Variants in MVD observed in about 807,000 individuals in gnomAD.
The protein encoded by MVD is mevalonate diphosphate decarboxylase.
In MVD, 52 loss-of-function variants were observed where a neutral mutation model predicts 42.4. The observed-to-expected ratio is 1.23, with a 90% CI of 0.98 to 1.55. MVD has a LOEUF of 1.55. Among genes scored for constraint, MVD ranks in the 40% most tolerant of loss-of-function variants. MVD has a pLI of 0.00. For synonymous variants in MVD, 287 were observed against 243.2 expected, an observed-to-expected ratio of 1.18 and a Z score of -1.68; for missense variants, 663 against 572.1, an observed-to-expected ratio of 1.16 and a Z score of -1.62.
chr16:88,658,194 C>T (rs1407412226), intron 2 of MVD, among the ~76,000 whole-genome samples, 165 bp from the exon 3 acceptor site: 4 of 152,130 alleles, frequency 2.6e-5, no homozygotes, highest in African/African-American at 9.7e-5. Flanking sequence ...TGGGGAAGCC[C>T]GTGGGGGATG....
Position 88,657,898 on chromosome 16 carries a change from T to C in MVD, c.256+17A>G, listed in dbSNP as rs751801850. Reference sequence around the variant, plus strand: ...CTGACAACAGGGAGGGATGGGCTTATGGGGACCCCAGCTCACTCTCCCGCA... The same window carrying C: ...CTGACAACAGGGAGGGATGGGCTTACGGGGACCCCAGCTCACTCTCCCGCA... On this transcript the variant is annotated intron_variant, in intron 3 of 9. Transcript: ENST00000301012. 4 of 1,610,406 alleles carry C rather than the reference T, an allele frequency of 2.5e-6. No homozygotes were observed. Among genetic ancestry groups the C allele is most frequent in the South Asian group, 1.1e-5 (1 of 90,988 alleles).
At chr16:88,653,450 T>C in intron 8 of MVD, 42 bp from the exon 9 acceptor site, 1 of 1,520,826 alleles carries the variant, frequency 6.6e-7, no homozygotes, top group Non-Finnish European at 9.0e-7. Context: ...CATCCGTTTC[T>C]CTAAGCGTCT....
intron 2 of MVD, among the ~76,000 whole-genome samples, 181 bp from the exon 3 acceptor site, chr16:88,658,210 G>A (rs571494555): frequency 1.1e-4 from 17 of 152,178 alleles, no homozygotes; most frequent in African/African-American, 1.9e-4. Flanking sequence ...GGATGAAAGC[G>A]TGGGCCACAC....
Position 88,653,329 on chromosome 16 carries a change from C to A in MVD, c.1093G>T (p.Gly365Cys), listed in dbSNP as rs113497258. Residue 365 changes from glycine to cysteine, a missense_variant, in exon 9 of 10, where the codon GGT becomes TGT. Transcript: ENST00000301012. ...GTGACAATGATGTATTTGACCCCAC[C>A]GGGGGTCGGCTCCATGGCCAGCGCA... The part of the protein sequence containing the change: ...QAALAMEPTP[G>C]GVKYIIVTQV... The A allele has an allele frequency of 1.2e-6, 2 of 1,600,646 alleles. No individual in the cohort carries two copies. The highest frequency in any genetic ancestry group is 1.7e-6 in the Non-Finnish European group (2 of 1,176,528).
chr16:88,654,685 C>G lies in MVD; in HGVS notation c.1013+7G>C. The G allele has an allele frequency of 6.3e-7, 1 of 1,593,266 alleles. No homozygotes were observed. Among genetic ancestry groups the G allele is most frequent in the Non-Finnish European group, 8.5e-7 (1 of 1,173,150 alleles). On this transcript the variant is annotated splice_region_variant and intron_variant, in intron 8 of 9. Coordinates refer to ENST00000301012, the MANE Select transcript of MVD (RefSeq NM_002461.3). ...CAAAAAGGAGGAGGGGCGGGGTCCA[C>G]ACTCACGTGTCTCCATTCGAGCCTG...
At position 88,654,802 on chromosome 16, in the gene MVD, C is replaced by G. The variant is rs200105902; in HGVS notation, c.903G>C (p.Ala301=). The G allele has an allele frequency of 6.4e-7, 1 of 1,571,296 alleles. No individual in the cohort carries two copies. Among genetic ancestry groups the G allele is most frequent in the Admixed American group, 2.0e-5 (1 of 50,302 alleles). ...CATTGGGGCCCGCGTCAAAGGTGTA[C>G]GCCACCTGGAACCCACAGCAGTCAC... The part of the protein sequence containing the change: ...FNAHHGDTKV[A]YTFDAGPNAV... Residue 301 remains alanine, a synonymous_variant, in exon 8 of 10, where the codon GCG becomes GCC. Coordinates refer to ENST00000301012, the MANE Select transcript of MVD (RefSeq NM_002461.3).
chr16:88,652,064 T>A lies in MVD; in HGVS notation c.*461A>T. The A allele has an allele frequency of 4.9e-6, 1 of 202,980 alleles. No homozygotes were observed. Among genetic ancestry groups the A allele is most frequent in the Non-Finnish European group, 1.0e-5 (1 of 97,078 alleles). 12.6% of individuals were successfully genotyped at this position (202,980 alleles called of 1,614,324 possible). ...CGAGACACCTGGGCCGGGGGCAGGG[T>A]CTCAGCAGAAGCGCCGTGGGCAGCC... is the stretch of plus-strand genomic sequence containing the variant. On this transcript the variant is annotated 3_prime_UTR_variant, in exon 10 of 10. Transcript: ENST00000301012.
intron 3 of MVD, 81 bp from the exon 4 acceptor site, chr16:88,657,663 A>G (rs1274893431): frequency 1.9e-6 from 3 of 1,558,898 alleles, no homozygotes; most frequent in African/African-American, 2.7e-5. Flanking sequence ...CCGGGGTCAC[A>G]GCTGAACACC....
Position 88,657,556 on chromosome 16 carries a change from T to G in MVD, c.283A>C (p.Asn95His). Reference sequence around the variant, plus strand: ...GGCAGCGGGTCCCCATCCCGTGAGTTCCTCCGCTTCCGGGCCAGGCAGCGG... The same window carrying G: ...GGCAGCGGGTCCCCATCCCGTGAGTGCCTCCGCTTCCGGGCCAGGCAGCGG... ...EIRCLARKRRNSRDGDPLPSS... is the reference protein window; with the variant it reads ...EIRCLARKRRHSRDGDPLPSS... Residue 95 changes from asparagine (N) to histidine (H), a missense_variant, in exon 4 of 10, where the codon AAC becomes CAC. Asn to His is a moderately conservative substitution (Grantham distance 68). Transcript: ENST00000301012. 6.2e-7 allele frequency: 1 copy of G among 1,612,600 alleles called. No individual in the cohort carries two copies. The highest frequency in any genetic ancestry group is 8.5e-7 in the Non-Finnish European group (1 of 1,179,810).
intron 8 of MVD, 132 bp from the exon 9 acceptor site, chr16:88,653,540 G>T (rs1332050647): frequency 5.7e-6 from 4 of 703,602 alleles, no homozygotes; most frequent in Non-Finnish European, 6.9e-6. Flanking sequence ...GAGACGGCAG[G>T]TGGCTGCTGT....
intron 1 of MVD, 157 bp from the exon 2 acceptor site, chr16:88,658,877 G>A: frequency 1.5e-6 from 1 of 646,146 alleles, no homozygotes; most frequent in Non-Finnish European, 2.8e-6. Context: ...CCAGACCCCG[G>A]CCTGCAAGAA....
Position 88,655,707 on chromosome 16 carries a change from T to C in MVD, c.627A>G (p.Thr209=). The C allele has an allele frequency of 6.4e-7, 1 of 1,560,132 alleles. No homozygotes were observed. Among genetic ancestry groups the C allele is most frequent in the South Asian group, 1.2e-5 (1 of 84,734 alleles). ...TGGCCCGCATGCCCACGGTACTGCC[T>C]GTCAGCTTCTTCTCAGCGCTCACCT... is the stretch of plus-strand genomic sequence containing the variant. ...ILVVSAEKKL[T]GSTVGMRASV... is the part of the protein sequence containing the mutation. Residue 209 remains threonine (T), a synonymous_variant, in exon 6 of 10, where the codon ACA becomes ACG. Coordinates refer to ENST00000301012, the MANE Select transcript of MVD (RefSeq NM_002461.3).
rs1206895804 is a variant in MVD at position 88,657,518 on chromosome 16, G to A, written c.321C>T (p.Ser107=). The A allele has an allele frequency of 2.5e-6, 4 of 1,612,712 alleles. No homozygotes were observed. In the African/African-American group the frequency reaches 5.3e-5, roughly 22 times the overall value. The change falls in exon 4 of 10, where the codon AGC becomes AGT. Residue 107 remains serine, a synonymous_variant. Coordinates refer to ENST00000301012, the MANE Select transcript of MVD (RefSeq NM_002461.3). ...RDGDPLPSSL[S]CKVHVASVNN... Reference sequence around the variant, plus strand: ...TCACCGATGCCACGTGCACCTTGCAGCTGAGGCTGGAGGGCAGCGGGTCCC... The same window carrying A: ...TCACCGATGCCACGTGCACCTTGCAACTGAGGCTGGAGGGCAGCGGGTCCC...
intron 1 of MVD, chr16:88,660,898 C>T (rs776070473): frequency 2.1e-5 from 3 of 144,032 alleles, no homozygotes; most frequent in Admixed American, 7.3e-5. Flanking sequence ...CCCAAATACT[C>T]AGAAGACTAA....
In MVD at chr16:88,657,568, G is replaced by C. The variant is rs766800711; in HGVS notation, c.271C>G (p.Arg91Gly). 3.1e-6 allele frequency: 5 copies of C among 1,612,572 alleles called. 1 individual carries two copies. In the East Asian group the frequency reaches 8.9e-5, roughly 29 times the overall value. The stretch of plus-strand genomic sequence containing the variant: ...CCATCCCGTGAGTTCCTCCGCTTCC[G>C]GGCCAGGCAGCGGACTGCAGAGACA... ...ACLREIRCLARKRRNSRDGDP... is the reference protein window; with the variant it reads ...ACLREIRCLAGKRRNSRDGDP... The change falls in exon 4 of 10, where the codon CGG (arginine) becomes GGG (glycine). Residue 91 changes from arginine to glycine, a missense_variant. Transcript: ENST00000301012.
At chr16:88,655,981 G>T in intron 5 of MVD, 124 bp downstream of exon 5, 1 of 1,336,830 alleles carries the variant, frequency 7.5e-7, no homozygotes, top group Non-Finnish European at 1.0e-6. Context: ...TGTTCCTTCA[G>T]CCCCCGCTGA....
At position 88,653,318 on chromosome 16, in the gene MVD, T is replaced by C. The variant is rs148833471; in HGVS notation, c.1104A>G (p.Lys368=). ...GCCTCACCTGAGTGACAATGATGTA[T>C]TTGACCCCACCGGGGGTCGGCTCCA... ...LAMEPTPGGV[K]YIIVTQVGPG... The change falls in exon 9 of 10, where the codon AAA becomes AAG. Residue 368 remains lysine (K), a synonymous_variant. Coordinates refer to ENST00000301012, the MANE Select transcript of MVD (RefSeq NM_002461.3). The C allele has an allele frequency of 7.2e-3, 11,462 of 1,599,146 alleles. 50 individuals are homozygous for C. Among genetic ancestry groups the C allele is most frequent in the Non-Finnish European group, 8.6e-3 (10,120 of 1,175,866 alleles).
In MVD at chr16:88,656,308, C is replaced by T. The variant is rs1025328984; in HGVS notation, c.404-4G>A. ...TAGACACGGGCCAGGGTGTAGGCTG[C>T]AGGCATGCGGATTCAGGGAGGGTCC... On this transcript the variant is annotated splice_polypyrimidine_tract_variant and splice_region_variant and intron_variant, in intron 4 of 9. Coordinates refer to ENST00000301012, the MANE Select transcript of MVD (RefSeq NM_002461.3). 1.3e-6 allele frequency: 2 copies of T among 1,599,088 alleles called. No homozygotes were observed. Among genetic ancestry groups the T allele is most frequent in the South Asian group, 1.1e-5 (1 of 91,080 alleles).
chr16:88,661,325 C>G (rs6500487), intron 1 of MVD, among the ~76,000 whole-genome samples: 1 of 151,944 alleles, frequency 6.6e-6, no homozygotes, highest in Non-Finnish European at 1.5e-5. Flanking sequence ...AAAAGATTAG[C>G]TAGTTTGGGA....
Sources: gnomAD v4.1 joint callset for allele counts (sites outside exome capture counted in the v4.1 genomes callset) on GRCh38, gnomAD v4.1.1 for gene constraint, MANE v1.5 for transcripts, NCBI Gene and HGNC (gene_info 2026-07-23, HGNC 2026-07-21) for gene names.